The following NBDY variants were observed in gnomAD, a reference collection of about 807,000 sequenced individuals.
NBDY encodes the protein negative regulator of P-body association, also known as P-body dissociating protein.
chrX:56,799,040 G>A (rs2069808560), intron 2 of NBDY, among the ~76,000 whole-genome samples: 1 of 112,152 alleles, frequency 8.9e-6, no homozygotes, highest in Admixed American at 9.4e-5. Context: ...ATGTGCTGAG[G>A]AACGCTCGGG....
intron 2 of NBDY, among the ~76,000 whole-genome samples, chrX:56,783,253 A>C (rs752670999): frequency 9.7e-5 from 11 of 112,893 alleles, no homozygotes; most frequent in East Asian, 5.6e-4. Flanking sequence ...CGGGGCGGCC[A>C]GCCATGGCTT....
chrX:56,815,477 G>A (rs1006104026), intron 2 of NBDY, among the ~76,000 whole-genome samples: 10 of 111,414 alleles, frequency 9.0e-5, no homozygotes, highest in Admixed American at 7.6e-4. Context: ...ATGATAACAG[G>A]TATTTCTTGT....
At chrX:56,814,392 G>C (rs749806079) in intron 2 of NBDY, among the ~76,000 whole-genome samples, 1 of 110,364 alleles carries the variant, frequency 9.1e-6, no homozygotes, top group Admixed American at 9.7e-5. Flanking sequence ...ATATCAATTA[G>C]GGATTATTAA....
chrX:56,737,371 C>G, intron 2 of NBDY: 1 of 674,769 alleles, frequency 1.5e-6, no homozygotes, highest in Non-Finnish European at 2.4e-6. Flanking sequence ...GCTTCATGGT[C>G]AGGTCCAATG....
At chrX:56,781,814 G>A (rs775708375) in intron 2 of NBDY, among the ~76,000 whole-genome samples, 3 of 111,699 alleles carry the variant, frequency 2.7e-5, no homozygotes, top group African/African-American at 6.5e-5. Context: ...TCTTTCTGCC[G>A]TGTCTCCATA....
chrX:56,747,799 G>A (rs1435206331), intron 2 of NBDY, among the ~76,000 whole-genome samples: 1 of 112,011 alleles, frequency 8.9e-6, no homozygotes, highest in Admixed American at 9.5e-5. Context: ...TCAGCCAATG[G>A]TAGTTGGGAT....
intron 2 of NBDY, among the ~76,000 whole-genome samples, chrX:56,738,543 C>T: frequency 8.9e-6 from 1 of 112,133 alleles, no homozygotes; most frequent in East Asian, 2.8e-4. Context: ...TTTTAACTGA[C>T]CAGCTTCAAG....
intron 2 of NBDY, among the ~76,000 whole-genome samples, chrX:56,746,617 CATTTGGTT>C (rs2069559338): frequency 9.1e-6 from 1 of 110,437 alleles, no homozygotes. Flanking sequence ...ATGTCCTGCT[CATTTGGTT>C]ATTGGCAGAA....
At chrX:56,798,854 G>C (rs372066643) in intron 2 of NBDY, among the ~76,000 whole-genome samples, 3 of 112,050 alleles carry the variant, frequency 2.7e-5, no homozygotes, top group South Asian at 3.8e-4. Flanking sequence ...CAGTTGGCTC[G>C]TTCCTTTCTC....
At chrX:56,804,578 C>A (rs181873066) in intron 2 of NBDY, among the ~76,000 whole-genome samples, 1 of 112,572 alleles carries the variant, frequency 8.9e-6, no homozygotes, top group Admixed American at 9.3e-5. Flanking sequence ...TTCGCCTGGG[C>A]CTCCTCTGTG....
intron 2 of NBDY, among the ~76,000 whole-genome samples, chrX:56,748,857 G>C (rs2069569660): frequency 1.0e-5 from 1 of 99,880 alleles, no homozygotes; most frequent in Non-Finnish European, 2.0e-5. Flanking sequence ...ATACGAGATG[G>C]GATGAGAATG....
At chrX:56,808,480 G>T (rs772015213) in intron 2 of NBDY, among the ~76,000 whole-genome samples, 1 of 112,033 alleles carries the variant, frequency 8.9e-6, no homozygotes, top group Admixed American at 9.4e-5. Context: ...TCCTGGTTTT[G>T]TCTTGGGAGA....
intron 2 of NBDY, among the ~76,000 whole-genome samples, chrX:56,807,520 A>G (rs1411412970): frequency 9.0e-6 from 1 of 111,397 alleles, no homozygotes; most frequent in African/African-American, 3.3e-5. Context: ...ATCCTTAAAG[A>G]GGTCCTTCAC....
At chrX:56,798,911 A>C (rs1473028536) in intron 2 of NBDY, among the ~76,000 whole-genome samples, 1 of 111,155 alleles carries the variant, frequency 9.0e-6, no homozygotes, top group Non-Finnish European at 1.9e-5. Flanking sequence ...CTTTTTTCAC[A>C]TTGGAAAAGG....
intron 2 of NBDY, among the ~76,000 whole-genome samples, chrX:56,793,774 C>T (rs1268613707): frequency 9.0e-6 from 1 of 110,843 alleles, no homozygotes; most frequent in Non-Finnish European, 1.9e-5. Flanking sequence ...CCACAGCTGT[C>T]TTTAGGAAAG....
chrX:56,792,180 T>G (rs184304199), intron 2 of NBDY, among the ~76,000 whole-genome samples: 140 of 111,102 alleles, frequency 1.3e-3, no homozygotes, highest in African/African-American at 4.3e-3. Context: ...GTCATCAGTT[T>G]AGTCCCTCTG....
intron 2 of NBDY, among the ~76,000 whole-genome samples, chrX:56,748,657 C>T (rs1404711398): frequency 9.5e-6 from 1 of 104,953 alleles, no homozygotes; most frequent in African/African-American, 3.5e-5. Flanking sequence ...AGTCTGATGC[C>T]GATTAAGAAA....
chrX:56,812,936 C>T (rs1245733732), intron 2 of NBDY, among the ~76,000 whole-genome samples: 1 of 111,053 alleles, frequency 9.0e-6, no homozygotes, highest in Non-Finnish European at 1.9e-5. Flanking sequence ...GCTTCACTTT[C>T]ATTTTTAAAG....
intron 2 of NBDY, among the ~76,000 whole-genome samples, chrX:56,784,296 C>A (rs958929487): frequency 9.0e-6 from 1 of 111,674 alleles, no homozygotes; most frequent in African/African-American, 3.3e-5. Context: ...CATTGTTGAC[C>A]CATGGAGCAG....
Sources: gnomAD v4.1 joint callset for allele counts (sites outside exome capture counted in the v4.1 genomes callset) on GRCh38, gnomAD v4.1.1 for gene constraint, MANE v1.5 for transcripts, NCBI Gene and HGNC (gene_info 2026-07-23, HGNC 2026-07-21) for gene names.